Variants in MYO16 observed in about 807,000 individuals in gnomAD.
MYO16 encodes the protein unconventional myosin-XVI.
A neutral mutation model predicts 205.3 loss-of-function variants in MYO16; 94 were observed. That is an observed-to-expected ratio of 0.46 (90% CI 0.39 to 0.54). The LOEUF (loss-of-function observed/expected upper bound fraction) is 0.54, where lower values mean the gene tolerates loss of function less well. MYO16 is among the 20% of genes least tolerant of loss of function. The pLI is 0.00. For missense variants in MYO16, 2,315 were observed against 2,387.5 expected (o/e 0.97, Z 0.63); for synonymous variants, 988 against 954.0 (o/e 1.04, Z -0.66).
chr13:108,550,312 C>T, the MYO16 span, among the ~76,000 whole-genome samples: 2 of 152,226 alleles, frequency 1.3e-5, no homozygotes, highest in Non-Finnish European at 2.9e-5. Context: ...CATGCTGTAC[C>T]CCTGAGCTTT....
intron 14 of MYO16, among the ~76,000 whole-genome samples, chr13:108,890,768 G>C (rs1880135032): frequency 6.6e-6 from 1 of 152,212 alleles, no homozygotes; most frequent in South Asian, 2.1e-4. Context: ...GTGAGTCTCT[G>C]TTCCCTTTAC....
At chr13:109,033,274 T>A (rs9583331) in intron 23 of MYO16, among the ~76,000 whole-genome samples, 2,657 of 152,270 alleles carry the variant, frequency 0.017, 78 homozygotes, top group African/African-American at 0.06. Flanking sequence ...TGAGACCCAT[T>A]AGGCTCTGTG....
intron 1 of MYO16, among the ~76,000 whole-genome samples, chr13:108,601,184 C>T (rs1000131746): frequency 7.2e-5 from 11 of 151,922 alleles, no homozygotes; most frequent in East Asian, 5.8e-4. Flanking sequence ...CATGGAGCAC[C>T]GCAACTGAAT....
chr13:108,742,079 G>A (rs1050842680), intron 4 of MYO16, among the ~76,000 whole-genome samples: 16 of 152,156 alleles, frequency 1.1e-4, no homozygotes, highest in African/African-American at 2.4e-4. Flanking sequence ...TGCAACCTCC[G>A]TCCCCAGGGT....
chr13:108,499,403 G>A, the MYO16 span, among the ~76,000 whole-genome samples: 1 of 152,284 alleles, frequency 6.6e-6, no homozygotes, highest in Non-Finnish European at 1.5e-5. Context: ...CCAGGCCTGC[G>A]GAATCAGAAT....
intron 1 of MYO16, among the ~76,000 whole-genome samples, chr13:108,599,729 C>A (rs919052919): frequency 9.9e-5 from 15 of 152,076 alleles, no homozygotes; most frequent in African/African-American, 3.6e-4. Context: ...TTTTATGATT[C>A]CTTTTGGCTC....
chr13:108,779,258 A>G (rs184291724), intron 4 of MYO16, among the ~76,000 whole-genome samples: 1 of 152,330 alleles, frequency 6.6e-6, no homozygotes, highest in Admixed American at 6.5e-5. Flanking sequence ...CCCATTCTTG[A>G]AAGGTGTCTT....
intron 9 of MYO16, among the ~76,000 whole-genome samples, chr13:108,830,666 CGA>C (rs1876564202): frequency 6.7e-6 from 1 of 149,614 alleles, no homozygotes; most frequent in Non-Finnish European, 1.5e-5. Flanking sequence ...TGCTAGATGA[CGA>C]GTTAGTGGGT....
At chr13:108,762,941 G>T (rs1409442701) in intron 4 of MYO16, among the ~76,000 whole-genome samples, 1 of 128,970 alleles carries the variant, frequency 7.8e-6, no homozygotes, top group Non-Finnish European at 1.7e-5. Flanking sequence ...CCCAACTTCT[G>T]GATTAACATA....
At chr13:109,132,621 C>T (rs185221373) in intron 31 of MYO16, among the ~76,000 whole-genome samples, 1 of 152,226 alleles carries the variant, frequency 6.6e-6, no homozygotes, top group East Asian at 1.9e-4. Context: ...TGGCAAGGTT[C>T]GAGAAGTACC....
chr13:108,840,188 C>G (rs1282189920), intron 9 of MYO16, among the ~76,000 whole-genome samples: 1 of 152,188 alleles, frequency 6.6e-6, no homozygotes. Flanking sequence ...CACCTACTTG[C>G]AAGTATTTTC....
intron 2 of MYO16, among the ~76,000 whole-genome samples, chr13:108,673,933 G>A (rs1882097030): frequency 6.6e-6 from 1 of 152,082 alleles, no homozygotes; most frequent in African/African-American, 2.4e-5. Context: ...AAGTCACTTT[G>A]ATTTTTGGTG....
At chr13:109,179,400 T>G (rs747410017) in intron 33 of MYO16, 142 bp from the exon 34 acceptor site, 6 of 613,056 alleles carry the variant, frequency 9.8e-6, no homozygotes, top group Non-Finnish European at 1.8e-5. Flanking sequence ...CATTGCAAAA[T>G]TTAGTATTTA....
intron 16 of MYO16, among the ~76,000 whole-genome samples, chr13:108,956,035 TC>T (rs1395507072): frequency 6.6e-6 from 1 of 152,206 alleles, no homozygotes; most frequent in African/African-American, 2.4e-5. Context: ...GACTTCCAGA[TC>T]CTATTCTCTA....
intron 6 of MYO16, among the ~76,000 whole-genome samples, chr13:108,800,831 T>A (rs985948091): frequency 2.0e-5 from 3 of 152,164 alleles, no homozygotes; most frequent in African/African-American, 7.2e-5. Flanking sequence ...TATCATAATA[T>A]TTAACATTTT....
intron 7 of MYO16, among the ~76,000 whole-genome samples, chr13:108,819,522 A>G (rs927023466): frequency 6.6e-6 from 1 of 152,170 alleles, no homozygotes; most frequent in Non-Finnish European, 1.5e-5. Flanking sequence ...AGAGAGAAAC[A>G]TAGTTTTGGG....
At chr13:108,974,948 T>A (rs1884197671) in intron 20 of MYO16, among the ~76,000 whole-genome samples, 1 of 152,196 alleles carries the variant, frequency 6.6e-6, no homozygotes, top group Non-Finnish European at 1.5e-5. Flanking sequence ...AATTACAGTT[T>A]ACATCTATAC....
chr13:109,128,173 C>T (rs1876357366), intron 31 of MYO16, among the ~76,000 whole-genome samples: 1 of 152,206 alleles, frequency 6.6e-6, no homozygotes, highest in Non-Finnish European at 1.5e-5. Flanking sequence ...CTTAGCGGAA[C>T]ACTTAGAATT....
At chr13:108,718,501 T>C (rs1594237581) in intron 3 of MYO16, among the ~76,000 whole-genome samples, 1 of 150,694 alleles carries the variant, frequency 6.6e-6, no homozygotes, top group Admixed American at 6.6e-5. Context: ...CCTTGGAGGA[T>C]GTGGAATGGG....
Sources: allele counts gnomAD v4.1 joint callset (sites outside exome capture counted in the v4.1 genomes callset), GRCh38; gene constraint gnomAD v4.1.1; transcripts MANE v1.5; gene names NCBI Gene and HGNC (gene_info 2026-07-23, HGNC 2026-07-21).